Variants in HIPK3 observed in about 807,000 individuals in gnomAD.
HIPK3 encodes homeodomain interacting protein kinase 3.
A neutral mutation model predicts 124.2 loss-of-function variants in HIPK3; 47 were observed. The observed-to-expected ratio is 0.38, with a 90% CI of 0.30 to 0.48. The LOEUF is 0.48. HIPK3 is among the 20% of genes least tolerant of loss of function. The probability of loss-of-function intolerance (pLI) is 0.98; values close to 1 mark genes in which losing one functional copy is unlikely to be tolerated. For missense variants in HIPK3, 1,286 were observed against 1,454.3 expected, an observed-to-expected ratio of 0.88 and a Z score of 1.88; for synonymous variants, 482 against 515.2, an observed-to-expected ratio of 0.94 and a Z score of 0.87.
rs1293339789 is a variant in HIPK3 at position 33,351,648 on chromosome 11, G to C, written c.2848G>C (p.Asp950His). Residue 950 changes from aspartate to histidine, a missense_variant, in exon 15 of 17, where the codon GAT (aspartate) becomes CAT (histidine). Around this residue, in one of 3 missense-constraint regions of HIPK3, gnomAD observed 810 missense variants for 864.9 expected, o/e 0.94. Coordinates refer to ENST00000303296, the MANE Select transcript of HIPK3 (RefSeq NM_005734.5). ...EEQESSCDTV[D>H]GSPTSDSSGH... is the part of the protein sequence containing the mutation. ...GCAAGAAAGTAGTTGTGATACGGTG[G>C]ATGGCTCTCCGACATCTGACTCTTC... 6.2e-7 allele frequency: 1 copy of C among 1,614,062 alleles called. No homozygotes were observed. The highest frequency in any genetic ancestry group is 2.2e-5 in the East Asian group (1 of 44,902).
intron 6 of HIPK3, 88 bp from the exon 7 acceptor site, chr11:33,340,880 G>A: frequency 4.1e-6 from 3 of 734,226 alleles, no homozygotes; most frequent in Non-Finnish European, 6.2e-6. Context: ...TTTCTTTTAG[G>A]AATAATTTTT....
Position 33,286,614 on chromosome 11 carries a change from C to A in HIPK3, c.200C>A (p.Pro67Gln), listed in dbSNP as rs144644881. ...GGTAGTGCTTTTCAGACAAAGATAC[C>A]ATTTAATAGACCTCGAGGACACAAC... Reference protein sequence around the residue: ...TKGSAFQTKIPFNRPRGHNFS... With the variant: ...TKGSAFQTKIQFNRPRGHNFS... The change falls in exon 2 of 17, where the codon CCA (proline) becomes CAA (glutamine). Residue 67 changes from proline (P) to glutamine (Q), a missense_variant. Pro to Gln is a moderately conservative substitution (Grantham distance 76). This residue lies in a region of HIPK3 where 225 missense variants were observed against 240.3 expected (regional missense o/e 0.94). Transcript: ENST00000303296. 2 of 1,614,040 alleles carry A rather than the reference C, an allele frequency of 1.2e-6. No homozygotes were observed. The highest frequency in any genetic ancestry group is 3.3e-5 in the Admixed American group (2 of 59,996).
intron 2 of HIPK3, among the ~76,000 whole-genome samples, chr11:33,308,772 C>G (rs573978234): frequency 2.0e-4 from 28 of 141,480 alleles, no homozygotes; most frequent in Non-Finnish European, 3.5e-4. Context: ...TTTTCTCTTT[C>G]TCCTTTGCTT....
Sources: allele counts gnomAD v4.1 joint callset (sites outside exome capture counted in the v4.1 genomes callset), GRCh38; gene constraint gnomAD v4.1.1; regional missense constraint gnomAD v4.1.1; transcripts MANE v1.5; gene names NCBI Gene and HGNC (gene_info 2026-07-23, HGNC 2026-07-21).